The following PCDHA1 variants were observed in gnomAD, a reference collection of about 807,000 sequenced individuals.
PCDHA1 encodes protocadherin alpha 1, also known as protocadherin alpha-1.
PCDHA1 carries 42 observed loss-of-function variants against 61.3 expected under a neutral mutation model. That is an observed-to-expected ratio of 0.69 (90% CI 0.54 to 0.89). The LOEUF (loss-of-function observed/expected upper bound fraction) is 0.89, where lower values mean the gene tolerates loss of function less well. PCDHA1 is among the 40% of genes least tolerant of loss of function. PCDHA1 has a pLI of 0.00. For missense variants in PCDHA1, 1,256 were observed against 1,235.3 expected, an observed-to-expected ratio of 1.02 and a Z score of -0.25; for synonymous variants, 610 against 553.8, an observed-to-expected ratio of 1.10 and a Z score of -1.43.
chr5:140,845,771 A>G (rs1034344709), intron 1 of PCDHA1, among the ~76,000 whole-genome samples: 1 of 149,762 alleles, frequency 6.7e-6, no homozygotes, highest in Admixed American at 6.7e-5. Context: ...GTTAATAGTT[A>G]TAAATTATTA....
At position 140,843,448 on chromosome 5, in the gene PCDHA1, C is replaced by A. The variant is rs2150360253; in HGVS notation, c.2394+54764C>A. 12 of 1,595,998 alleles carry A rather than the reference C, an allele frequency of 7.5e-6. 1 individual carries two copies. The highest frequency in any genetic ancestry group is 1.3e-5 in the African/African-American group (1 of 74,422). ...TCATCGCCATCTGCGCGGTATCCAGCCTGCTGGTGCTCACGCTGCTGCTGT... is the reference window on the plus strand; with the variant it reads ...TCATCGCCATCTGCGCGGTATCCAGACTGCTGGTGCTCACGCTGCTGCTGT... On this transcript the variant is annotated intron_variant, in intron 1 of 3. Transcript: ENST00000504120.
At chr5:140,846,148 T>A (rs1780222185) in intron 1 of PCDHA1, among the ~76,000 whole-genome samples, 1 of 149,706 alleles carries the variant, frequency 6.7e-6, no homozygotes, top group South Asian at 2.1e-4. Flanking sequence ...TATTTAAAAG[T>A]TGCCTGAGAT....
At chr5:140,875,859 C>G (rs1381473536) in intron 1 of PCDHA1, 1 of 1,614,038 alleles carries the variant, frequency 6.2e-7, no homozygotes, top group Non-Finnish European at 8.5e-7. Flanking sequence ...TTAACGACAA[C>G]CCGCCGGTGT....
chr5:140,963,838 T>C (rs1414191733), intron 1 of PCDHA1, among the ~76,000 whole-genome samples: 3 of 152,254 alleles, frequency 2.0e-5, no homozygotes, highest in Admixed American at 1.3e-4. Context: ...CATTTTCTCA[T>C]GTAATCATAA....
At chr5:140,805,455 G>A in intron 1 of PCDHA1, 5 of 1,026,414 alleles carry the variant, frequency 4.9e-6, no homozygotes, top group Non-Finnish European at 5.8e-6. Context: ...GTGTGTTTGT[G>A]TGAGTGTAGT....
At position 140,786,862 on chromosome 5, in the gene PCDHA1, C is replaced by G; in HGVS notation, c.572C>G (p.Ser191Cys). The change falls in exon 1 of 4, where the codon TCT becomes TGT. Residue 191 changes from serine to cysteine, a missense_variant. Coordinates refer to ENST00000504120, the MANE Select transcript of PCDHA1 (RefSeq NM_018900.4). ...GAGGCAAGTGATGAACTGAGTAAAT[C>G]TCTTTGGCTTGAATTGAGAAAATAT... ...DVEASDELSK[S>C]LWLELRKYLD... 1 of 1,614,154 alleles carries G rather than the reference C, an allele frequency of 6.2e-7. No homozygotes were observed. Among genetic ancestry groups the G allele is most frequent in the Non-Finnish European group, 8.5e-7 (1 of 1,180,008 alleles).
chr5:140,863,039 T>A (rs530548492), intron 1 of PCDHA1: 24 of 558,728 alleles, frequency 4.3e-5, no homozygotes, highest in South Asian at 3.2e-4. Flanking sequence ...GCTGCATCTG[T>A]CAGCTGGCAG....
rs782631166 is a variant in PCDHA1, at chr5:140,857,398, C to T, written c.2394+68714C>T. 1.3e-5 allele frequency: 21 copies of T among 1,598,542 alleles called. 2 individuals are homozygous for T. Among genetic ancestry groups the T allele is most frequent in the African/African-American group, 2.7e-5 (2 of 74,494 alleles). ...TGGAGGTGGCCGACGTGAACGACAA[C>T]GCGCCTGCGTTCGCGCAGTCCGAGT... On this transcript the variant is annotated intron_variant, in intron 1 of 3. Coordinates refer to ENST00000504120, the MANE Select transcript of PCDHA1 (RefSeq NM_018900.4).
intron 1 of PCDHA1, chr5:140,858,722 C>T: frequency 2.0e-6 from 1 of 497,160 alleles, no homozygotes. Context: ...GGTTGCAGTT[C>T]TGACGATTTA....
At chr5:140,931,246 C>A (rs2087398062) in intron 1 of PCDHA1, among the ~76,000 whole-genome samples, 1 of 152,114 alleles carries the variant, frequency 6.6e-6, no homozygotes, top group East Asian at 1.9e-4. Flanking sequence ...ACTTTTCCTA[C>A]CAAGAAATTT....
intron 1 of PCDHA1, among the ~76,000 whole-genome samples, chr5:140,960,819 G>A (rs1287793882): frequency 1.3e-5 from 2 of 152,146 alleles, no homozygotes; most frequent in Admixed American, 6.5e-5. Context: ...CCCAAGTGAT[G>A]AATGGAAACT....
At chr5:140,847,654 T>C (rs1037427370) in intron 1 of PCDHA1, 3 of 149,736 alleles carry the variant, frequency 2.0e-5, no homozygotes, top group South Asian at 2.1e-4. Flanking sequence ...AGATTATTCA[T>C]AGATTATAAA....
chr5:140,981,779 A>G (rs1231046614), intron 2 of PCDHA1, among the ~76,000 whole-genome samples: 2 of 151,974 alleles, frequency 1.3e-5, no homozygotes, highest in Non-Finnish European at 2.9e-5. Flanking sequence ...ATACTGCACC[A>G]TGTTCTCTTT....
At chr5:140,880,796 T>C (rs538689350) in intron 1 of PCDHA1, among the ~76,000 whole-genome samples, 4 of 152,180 alleles carry the variant, frequency 2.6e-5, no homozygotes, top group Non-Finnish European at 5.9e-5. Context: ...GTAATATAAA[T>C]AGGTGAATGA....
At chr5:140,968,187 A>G in intron 1 of PCDHA1, 3 of 1,614,064 alleles carry the variant, frequency 1.9e-6, no homozygotes, top group Non-Finnish European at 2.5e-6. Context: ...GAGGACTCCT[A>G]TTCCATCTAC....
intron 1 of PCDHA1, chr5:140,927,385 C>T (rs781913021): frequency 1.9e-6 from 3 of 1,614,098 alleles, no homozygotes; most frequent in Non-Finnish European, 1.7e-6. Flanking sequence ...CAGCCTAAGC[C>T]CCAGTCAGCA....
At chr5:140,828,155 G>A in intron 1 of PCDHA1, 1 of 1,614,122 alleles carries the variant, frequency 6.2e-7, no homozygotes, top group Non-Finnish European at 8.5e-7. Flanking sequence ...TCTGCTCCTC[G>A]CAGCCTGGAA....
intron 2 of PCDHA1, among the ~76,000 whole-genome samples, chr5:140,982,082 C>G (rs188673632): frequency 6.6e-6 from 1 of 152,276 alleles, no homozygotes; most frequent in Admixed American, 6.5e-5. Flanking sequence ...AGTAGAGAAC[C>G]TAGGAACAAG....
intron 1 of PCDHA1, chr5:140,867,631 G>A (rs1554161429): frequency 1.3e-5 from 2 of 151,978 alleles, no homozygotes; most frequent in African/African-American, 4.8e-5. Flanking sequence ...AAATATTTAA[G>A]CTAGAGTGAT....
Sources: allele counts gnomAD v4.1 joint callset (sites outside exome capture counted in the v4.1 genomes callset), GRCh38; gene constraint gnomAD v4.1.1; transcripts MANE v1.5; gene names NCBI Gene and HGNC (gene_info 2026-07-23, HGNC 2026-07-21).